Variants in GPR15LG observed in about 807,000 individuals in gnomAD.
GPR15LG encodes the protein G protein-coupled receptor 15 ligand.
At chr10:84,184,743 C>T in the GPR15LG span, 4 of 1,613,798 alleles carry the variant, frequency 2.5e-6, no homozygotes, top group Non-Finnish European at 3.4e-6. Context: ...TTGGGTGGTG[C>T]CTGGGGCACT....
At chr10:84,176,717 T>TC in the GPR15LG span, 17 of 599,994 alleles carry the variant, frequency 2.8e-5, no homozygotes, top group East Asian at 2.9e-5. Context: ...ATTTGTTGAC[T>TC]CCCCCCCAAA....
the GPR15LG span, among the ~76,000 whole-genome samples, chr10:84,179,399 A>G: frequency 1.3e-5 from 2 of 152,140 alleles, no homozygotes; most frequent in African/African-American, 2.4e-5. Context: ...CGACAACCAA[A>G]GCCTGCACGT....
chr10:84,176,419 G>T, the GPR15LG span: 21 of 1,205,960 alleles, frequency 1.7e-5, no homozygotes, highest in African/African-American at 2.8e-4. Flanking sequence ...CTTGGAAGGG[G>T]AAGCTCACTC....
chr10:84,184,676 C>T, the GPR15LG span: 2 of 1,614,068 alleles, frequency 1.2e-6, no homozygotes, highest in East Asian at 2.2e-5. Context: ...CATTGCTCCT[C>T]CCAGGACATC....
At chr10:84,177,064 A>AG in the GPR15LG span, among the ~76,000 whole-genome samples, 2 of 152,322 alleles carry the variant, frequency 1.3e-5, no homozygotes, top group African/African-American at 4.8e-5. Flanking sequence ...GGTCACCAGC[A>AG]GGGGAGTGGG....
chr10:84,180,145 C>T, the GPR15LG span, among the ~76,000 whole-genome samples: 1 of 152,224 alleles, frequency 6.6e-6, no homozygotes, highest in Admixed American at 6.5e-5. Flanking sequence ...GCCCTTAATC[C>T]ATTTAACCCT....
chr10:84,174,847 C>T, the GPR15LG span, among the ~76,000 whole-genome samples: 2 of 152,146 alleles, frequency 1.3e-5, no homozygotes, highest in Non-Finnish European at 2.9e-5. Flanking sequence ...GTCTAACCCT[C>T]TAGAAACTGC....
At chr10:84,173,861 C>T in the GPR15LG span, 1 of 1,613,282 alleles carries the variant, frequency 6.2e-7, no homozygotes, top group East Asian at 2.2e-5. Flanking sequence ...CATGAGGCTT[C>T]TAGTCCTTTC....
chr10:84,175,600 G>T, the GPR15LG span, among the ~76,000 whole-genome samples: 1 of 152,194 alleles, frequency 6.6e-6, no homozygotes, highest in African/African-American at 2.4e-5. Flanking sequence ...GACTTCCAGG[G>T]CTCAAGCAAT....
chr10:84,173,870 T>C, the GPR15LG span: 1 of 1,613,866 alleles, frequency 6.2e-7, no homozygotes, highest in Non-Finnish European at 8.5e-7. Context: ...TCTAGTCCTT[T>C]CCAGCCTGCT....
the GPR15LG span, among the ~76,000 whole-genome samples, chr10:84,180,538 G>A: frequency 6.6e-6 from 1 of 152,134 alleles, no homozygotes; most frequent in Non-Finnish European, 1.5e-5. Flanking sequence ...GGGTGGCTGG[G>A]CAGAGACGCT....
the GPR15LG span, among the ~76,000 whole-genome samples, chr10:84,181,779 G>T: frequency 6.6e-6 from 1 of 152,202 alleles, no homozygotes; most frequent in Non-Finnish European, 1.5e-5. Context: ...GCTCTTTACG[G>T]GTGTCAAGCA....
chr10:84,176,721 CCCCAA>C, the GPR15LG span: 1 of 602,242 alleles, frequency 1.7e-6, no homozygotes, highest in South Asian at 2.0e-5. Flanking sequence ...GTTGACTCCC[CCCCAA>C]AAGTCAACAA....
At chr10:84,173,941 G>T in the GPR15LG span, 2 of 1,569,850 alleles carry the variant, frequency 1.3e-6, no homozygotes, top group South Asian at 2.2e-5. Context: ...CCCCCAGGGT[G>T]CAGATCCCTG....
the GPR15LG span, among the ~76,000 whole-genome samples, chr10:84,183,853 G>A: frequency 4.6e-5 from 7 of 151,950 alleles, no homozygotes; most frequent in East Asian, 7.8e-4. Context: ...ATCATGTTGC[G>A]CAGGCTGTTC....
the GPR15LG span, among the ~76,000 whole-genome samples, chr10:84,182,044 G>A: frequency 5.3e-5 from 8 of 152,354 alleles, no homozygotes; most frequent in African/African-American, 1.9e-4. Flanking sequence ...AAATGGCTGA[G>A]CCCATAGTGG....
the GPR15LG span, among the ~76,000 whole-genome samples, chr10:84,180,183 G>A: frequency 6.6e-6 from 1 of 152,226 alleles, no homozygotes; most frequent in Non-Finnish European, 1.5e-5. Flanking sequence ...GTTTCAGAGA[G>A]CACAGGGTTG....
At chr10:84,176,354 C>G in the GPR15LG span, 1 of 739,454 alleles carries the variant, frequency 1.4e-6, no homozygotes, top group South Asian at 1.5e-5. Flanking sequence ...CCTAGGACCT[C>G]TCGTAGCCTG....
At chr10:84,176,647 G>GC in the GPR15LG span, 2 of 989,028 alleles carry the variant, frequency 2.0e-6, no homozygotes, top group Non-Finnish European at 3.1e-6. Flanking sequence ...ACACTGATCA[G>GC]CCCCCACCCA....
Sources: allele counts gnomAD v4.1 joint callset (sites outside exome capture counted in the v4.1 genomes callset), GRCh38; gene constraint gnomAD v4.1.1; transcripts MANE v1.5; gene names NCBI Gene and HGNC (gene_info 2026-07-23, HGNC 2026-07-21).